Variants in TMEFF2 observed in about 807,000 individuals in gnomAD.
TMEFF2 encodes the protein transmembrane protein with EGF like and two follistatin like domains 2.
A neutral mutation model predicts 53.8 loss-of-function variants in TMEFF2; 28 were observed. The observed-to-expected ratio is 0.52, with a 90% CI of 0.39 to 0.71. The LOEUF is 0.71. Among genes scored for constraint, TMEFF2 ranks in the 30% least tolerant of loss-of-function variants. The pLI, the probability that TMEFF2 is intolerant of heterozygous loss-of-function variation, is 0.00. For missense variants in TMEFF2, 353 were observed against 455.2 expected (o/e 0.78, Z 2.04); for synonymous variants, 162 against 166.3 (o/e 0.97, Z 0.20).
intron 4 of TMEFF2, among the ~76,000 whole-genome samples, chr2:192,142,175 T>A (rs1263052754): frequency 6.6e-6 from 1 of 152,154 alleles, no homozygotes. Context: ...GTTTGTAAAT[T>A]CTTGGCACTC....
chr2:191,953,163 C>A (rs6752215), intron 9 of TMEFF2, among the ~76,000 whole-genome samples: 1 of 151,948 alleles, frequency 6.6e-6, no homozygotes. Context: ...AAAGGAAACC[C>A]CTGTGTCTTT....
chr2:192,039,572 TAA>T, intron 5 of TMEFF2, among the ~76,000 whole-genome samples: 1 of 152,162 alleles, frequency 6.6e-6, no homozygotes, highest in Admixed American at 6.6e-5. Flanking sequence ...TACAGAAAAA[TAA>T]ACTATGTTGG....
rs903534384 is a variant in TMEFF2, at chr2:192,166,755, G to A, written c.439+12913C>T. ...GGATTAGGGCAGAGTTTCCCAAAGT[G>A]TGTATCATAGATGACTAATCCCTTT... On this transcript the variant is annotated intron_variant, in intron 4 of 9. Transcript: ENST00000272771. Among the ~76,000 whole-genome samples, 6 of 152,204 alleles carry A rather than the reference G, an allele frequency of 3.9e-5. No homozygotes were observed. The East Asian group carries it at 7.7e-4, about 20-fold the overall frequency.
chr2:191,989,457 G>T (rs947354805), intron 7 of TMEFF2, among the ~76,000 whole-genome samples: 1 of 152,116 alleles, frequency 6.6e-6, no homozygotes, highest in African/African-American at 2.4e-5. Flanking sequence ...GTTTTAGCTC[G>T]ATGCCTTGAT....
rs749549984 is a variant in TMEFF2 at position 191,956,327 on chromosome 2, G to T, written c.797C>A (p.Pro266Gln). ...ESAREHHIPC[P>Q]EHYNGFCMHG... ...CATGCAGAAGCCATTGTAATGTTCC[G>T]GACAAGGTATGTGGTGTTCTCTGGC... Residue 266 changes from proline (P) to glutamine (Q), a missense_variant, in exon 8 of 10, where the codon CCG becomes CAG. By Grantham distance (76) the Pro-to-Gln change is moderately conservative. This residue lies in a region of TMEFF2 where 294 missense variants were observed against 397.3 expected (regional missense o/e 0.74). Coordinates refer to ENST00000272771, the MANE Select transcript of TMEFF2 (RefSeq NM_016192.4). The T allele has an allele frequency of 6.2e-7, 1 of 1,613,816 alleles. No homozygotes were observed. The highest frequency in any genetic ancestry group is 8.5e-7 in the Non-Finnish European group (1 of 1,179,940).
intron 7 of TMEFF2, among the ~76,000 whole-genome samples, chr2:191,978,913 G>A (rs560043254): frequency 5.9e-5 from 9 of 152,206 alleles, no homozygotes; most frequent in African/African-American, 1.7e-4. Flanking sequence ...AGGGCACCTC[G>A]TCTCCAGGAA....
At chr2:192,163,493 G>A (rs941821165) in intron 4 of TMEFF2, among the ~76,000 whole-genome samples, 1 of 152,106 alleles carries the variant, frequency 6.6e-6, no homozygotes, top group Non-Finnish European at 1.5e-5. Flanking sequence ...CCAAATTATG[G>A]AGCTGTCTAT....
chr2:192,106,691 T>C (rs1156499598), intron 4 of TMEFF2, among the ~76,000 whole-genome samples: 4 of 151,896 alleles, frequency 2.6e-5, no homozygotes, highest in Admixed American at 2.0e-4. Context: ...CATGACACTT[T>C]TTTTGGTGTT....
At chr2:192,184,895 T>G (rs1691273798) in intron 2 of TMEFF2, among the ~76,000 whole-genome samples, 1 of 151,958 alleles carries the variant, frequency 6.6e-6, no homozygotes, top group African/African-American at 2.4e-5. Context: ...GTGCTAGGAG[T>G]GGAAATATAT....
chr2:192,061,182 G>A lies in TMEFF2; in HGVS notation c.440-3407C>T, dbSNP rs146562912. On this transcript the variant is annotated intron_variant, in intron 4 of 9. Coordinates refer to ENST00000272771, the MANE Select transcript of TMEFF2 (RefSeq NM_016192.4). ...GTGACTCTTATAATATTCTTAACCT[G>A]TTATACCATTTCTGAAAACAGTGAA... 1.4e-3 allele frequency among the ~76,000 whole-genome samples: 217 copies of A among 152,098 alleles called. 6 individuals carry two copies. The East Asian group carries it at 0.038, about 26-fold the overall frequency.
At chr2:192,133,074 C>A (rs1302397306) in intron 4 of TMEFF2, among the ~76,000 whole-genome samples, 1 of 152,016 alleles carries the variant, frequency 6.6e-6, no homozygotes, top group Admixed American at 6.5e-5. Context: ...GACGGCCAGG[C>A]TTCTAAACCT....
intron 3 of TMEFF2, among the ~76,000 whole-genome samples, chr2:192,182,417 C>A (rs1350059802): frequency 6.6e-6 from 1 of 151,934 alleles, no homozygotes; most frequent in African/African-American, 2.4e-5. Context: ...GCAAGACTGG[C>A]TTACTAATTA....
At chr2:192,032,880 T>C (rs2105874705) in intron 5 of TMEFF2, among the ~76,000 whole-genome samples, 1 of 152,332 alleles carries the variant, frequency 6.6e-6, no homozygotes, top group African/African-American at 2.4e-5. Flanking sequence ...AATTTTATAT[T>C]ATAAATAAAC....
intron 7 of TMEFF2, among the ~76,000 whole-genome samples, chr2:191,967,064 C>T (rs1028691996): frequency 6.6e-6 from 1 of 151,374 alleles, no homozygotes; most frequent in African/African-American, 2.4e-5. Flanking sequence ...TGAAAAGTTC[C>T]ATAAAATTGG....
In TMEFF2 at chr2:192,052,882, G is replaced by A. The variant is rs192161704; in HGVS notation, c.536+4797C>T. ...CTATTATGAGAATGGATGTACTGGCGTGTGAATAACTTGTCCTGTTGAATT... is the reference window on the plus strand; with the variant it reads ...CTATTATGAGAATGGATGTACTGGCATGTGAATAACTTGTCCTGTTGAATT... On this transcript the variant is annotated intron_variant, in intron 5 of 9. Coordinates refer to ENST00000272771, the MANE Select transcript of TMEFF2 (RefSeq NM_016192.4). Among the ~76,000 whole-genome samples the A allele has an allele frequency of 6.4e-3, 973 of 152,264 alleles. 8 individuals are homozygous for A. Among genetic ancestry groups the A allele is most frequent in the African/African-American group, 0.022 (930 of 41,552 alleles).
At chr2:192,114,416 C>A (rs1192965708) in intron 4 of TMEFF2, among the ~76,000 whole-genome samples, 1 of 151,544 alleles carries the variant, frequency 6.6e-6, no homozygotes, top group Non-Finnish European at 1.5e-5. Flanking sequence ...CTCTCTACTG[C>A]TATTCCATAT....
chr2:192,083,157 TA>T (rs1260569710), intron 4 of TMEFF2, among the ~76,000 whole-genome samples: 1 of 152,072 alleles, frequency 6.6e-6, no homozygotes, highest in Non-Finnish European at 1.5e-5. Context: ...CTGGGAGGTA[TA>T]AAGGAAGGCA....
intron 4 of TMEFF2, among the ~76,000 whole-genome samples, chr2:192,153,423 C>T (rs1574418886): frequency 1.3e-5 from 2 of 151,726 alleles, no homozygotes; most frequent in African/African-American, 4.8e-5. Flanking sequence ...GATGAGTAGC[C>T]AATTCCCCAA....
rs60273464 is a variant in TMEFF2 at position 192,193,753 on chromosome 2, T to TAGAGAGAGAGAGAG, written c.172+599_172+600insCTCTCTCTCTCTCT. ...GAAGGGAATGAGAGAGAGAGAGAGA[T>TAGAGAGAGAGAGAG]AGATAGATAGAGAGAGAGAGAGAGA... On this transcript the variant is annotated intron_variant, in intron 1 of 9. Transcript: ENST00000272771. Among the ~76,000 whole-genome samples the TAGAGAGAGAGAGAG allele has an allele frequency of 4.9e-5, 6 of 122,666 alleles. 1 individual carries two copies. Among genetic ancestry groups the TAGAGAGAGAGAGAG allele is most frequent in the African/African-American group, 6.4e-5 (2 of 31,106 alleles). The allele number at this position is 122,666 out of a possible 152,430, so 80.5% of individuals were successfully genotyped here.
Sources: allele counts gnomAD v4.1 joint callset (sites outside exome capture counted in the v4.1 genomes callset), GRCh38; gene constraint gnomAD v4.1.1; regional missense constraint gnomAD v4.1.1; transcripts MANE v1.5; gene names NCBI Gene and HGNC (gene_info 2026-07-23, HGNC 2026-07-21).